The following CACNA1E variants were observed in gnomAD, a reference collection of about 807,000 sequenced individuals.
The protein encoded by CACNA1E is calcium voltage-gated channel subunit alpha1 E.
A neutral mutation model predicts 259.2 loss-of-function variants in CACNA1E; 40 were observed. The observed-to-expected ratio is 0.15, with a 90% CI of 0.12 to 0.20. CACNA1E has a LOEUF of 0.20. CACNA1E is among the 10% of genes least tolerant of loss of function. CACNA1E has a pLI of 1.00. For synonymous variants in CACNA1E, 1,104 were observed against 1,138.5 expected (o/e 0.97, Z 0.61); for missense variants, 1,874 against 3,040.1 (o/e 0.62, Z 9.02).
At chr1:181,662,860 C>A (rs1381822856) in intron 7 of CACNA1E, among the ~76,000 whole-genome samples, 1 of 152,212 alleles carries the variant, frequency 6.6e-6, no homozygotes, top group Admixed American at 6.5e-5. Context: ...TTGGGCCCCA[C>A]ATGAGGCCAT....
At chr1:181,328,825 A>C (rs994860651) in intron 1 of CACNA1E, among the ~76,000 whole-genome samples, 13 of 152,204 alleles carry the variant, frequency 8.5e-5, no homozygotes, top group African/African-American at 3.1e-4. Flanking sequence ...GGAGGCCCTC[A>C]CGCCAAAGTT....
chr1:181,570,150 C>T (rs1236470355), intron 3 of CACNA1E, among the ~76,000 whole-genome samples: 2 of 151,440 alleles, frequency 1.3e-5, no homozygotes, highest in Non-Finnish European at 2.9e-5. Flanking sequence ...TTCTATGAGC[C>T]AAACTGTAGT....
chr1:181,469,024 A>T (rs190946157), intron 2 of CACNA1E, among the ~76,000 whole-genome samples: 273 of 152,262 alleles, frequency 1.8e-3, no homozygotes, highest in Non-Finnish European at 3.5e-3. Context: ...AAACTCATTC[A>T]TTCATTCAAC....
intron 15 of CACNA1E, among the ~76,000 whole-genome samples, chr1:181,721,174 C>T (rs1340847964): frequency 1.3e-5 from 2 of 152,124 alleles, no homozygotes; most frequent in African/African-American, 4.8e-5. Flanking sequence ...CTAGGGGCAT[C>T]TTCTAACCCA....
intron 1 of CACNA1E, among the ~76,000 whole-genome samples, chr1:181,488,789 G>T (rs1008455615): frequency 6.6e-6 from 1 of 152,156 alleles, no homozygotes; most frequent in Non-Finnish European, 1.5e-5. Context: ...GGAAAGTAAT[G>T]AGAACAGGCC....
chr1:181,698,609 T>C (rs898415045), intron 7 of CACNA1E, among the ~76,000 whole-genome samples: 2 of 152,160 alleles, frequency 1.3e-5, no homozygotes, highest in African/African-American at 4.8e-5. Flanking sequence ...TGTCATTGTA[T>C]ATGTATTGTA....
At chr1:181,760,078 A>G (rs1461978495) in intron 32 of CACNA1E, among the ~76,000 whole-genome samples, 3 of 152,140 alleles carry the variant, frequency 2.0e-5, no homozygotes, top group African/African-American at 7.2e-5. Context: ...GGGGGAGCTG[A>G]GAGAGAGGGA....
chr1:181,656,163 T>TC (rs529336656), intron 7 of CACNA1E, among the ~76,000 whole-genome samples: 85 of 152,348 alleles, frequency 5.6e-4, no homozygotes, highest in African/African-American at 1.9e-3. Flanking sequence ...TACAATTTAT[T>TC]CCTACTTATT....
intron 1 of CACNA1E, among the ~76,000 whole-genome samples, chr1:181,323,810 C>T (rs781441657): frequency 6.6e-6 from 1 of 152,236 alleles, no homozygotes; most frequent in Non-Finnish European, 1.5e-5. Context: ...GGTAAACACA[C>T]ATCCAACTTC....
chr1:181,546,959 T>C (rs1430628580), intron 3 of CACNA1E, among the ~76,000 whole-genome samples: 1 of 152,170 alleles, frequency 6.6e-6, no homozygotes, highest in Non-Finnish European at 1.5e-5. Context: ...TTTGATGTCG[T>C]CCTCCTGGCC....
intron 1 of CACNA1E, among the ~76,000 whole-genome samples, chr1:181,403,832 C>T (rs1235828213): frequency 1.3e-5 from 2 of 152,116 alleles, no homozygotes; most frequent in Non-Finnish European, 2.9e-5. Context: ...TTGATTGAAT[C>T]TGGGGCTCCC....
chr1:181,617,533 A>G (rs1655336232), intron 6 of CACNA1E, among the ~76,000 whole-genome samples: 1 of 152,150 alleles, frequency 6.6e-6, no homozygotes, highest in Non-Finnish European at 1.5e-5. Flanking sequence ...TCCCTATCTG[A>G]CGATGATTTA....
chr1:181,397,296 C>A (rs537508312), intron 1 of CACNA1E, among the ~76,000 whole-genome samples: 2 of 152,154 alleles, frequency 1.3e-5, no homozygotes, highest in African/African-American at 2.4e-5. Context: ...TGTCCTGAAC[C>A]CTTACAAAAC....
At chr1:181,772,561 C>A (rs1229123743) in intron 37 of CACNA1E, among the ~76,000 whole-genome samples, 1 of 152,150 alleles carries the variant, frequency 6.6e-6, no homozygotes, top group South Asian at 2.1e-4. Flanking sequence ...AGCTTCATAT[C>A]GAATCTATGG....
chr1:181,783,567 C>A (rs941870902), intron 39 of CACNA1E, 112 bp from the exon 40 acceptor site: 1 of 613,072 alleles, frequency 1.6e-6, no homozygotes, highest in Admixed American at 2.7e-5. Context: ...GGGATCCTTG[C>A]CCTTCTTTTT....
At chr1:181,427,878 T>A (rs1397246252) in intron 2 of CACNA1E, among the ~76,000 whole-genome samples, 1 of 151,920 alleles carries the variant, frequency 6.6e-6, no homozygotes, top group Non-Finnish European at 1.5e-5. Flanking sequence ...CTTTTAGTTT[T>A]TAAAAATTAC....
chr1:181,661,599 A>T (rs1196849452), intron 7 of CACNA1E, among the ~76,000 whole-genome samples: 1 of 152,150 alleles, frequency 6.6e-6, no homozygotes, highest in Non-Finnish European at 1.5e-5. Flanking sequence ...GAGAAAGCGT[A>T]ACACACTTCA....
At position 181,783,800 on chromosome 1, in the gene CACNA1E, GA is replaced by G. The variant is rs1425845206; in HGVS notation, c.5470+18del. ...ATTGCCAAAGGTAAGCTTAGCTTAG[GA>G]AGGGAGGTGGGAAGGAGGAATTCTG... On this transcript the variant is annotated intron_variant, in intron 40 of 47. Coordinates refer to ENST00000367573, the MANE Select transcript of CACNA1E (RefSeq NM_001205293.3). 8 of 1,527,704 alleles carry G rather than the reference GA, an allele frequency of 5.2e-6. No homozygotes were observed. Among genetic ancestry groups the G allele is most frequent in the African/African-American group, 1.4e-5 (1 of 73,254 alleles). 94.6% of individuals were successfully genotyped at this position (1,527,704 alleles called of 1,614,324 possible). A position where few individuals can be genotyped will look rare whatever the true frequency, so the allele number is the denominator to read the frequency against.
intron 35 of CACNA1E, among the ~76,000 whole-genome samples, chr1:181,769,432 T>C (rs1262025087): frequency 6.6e-6 from 1 of 150,900 alleles, no homozygotes; most frequent in African/African-American, 2.4e-5. Context: ...GTTTGTTTTG[T>C]TCTGCTTTTT....
Sources: allele counts gnomAD v4.1 joint callset (sites outside exome capture counted in the v4.1 genomes callset), GRCh38; gene constraint gnomAD v4.1.1; transcripts MANE v1.5; gene names NCBI Gene and HGNC (gene_info 2026-07-23, HGNC 2026-07-21).